The following USP37 variants were observed in gnomAD, a reference collection of about 807,000 sequenced individuals.
USP37 encodes the protein ubiquitin specific peptidase 37, also known as ubiquitin carboxyl-terminal hydrolase 37.
Under a neutral mutation model 124.0 loss-of-function variants are expected in USP37, and 27 were observed. The observed-to-expected ratio is 0.22, with a 90% confidence interval of 0.16 to 0.30. The LOEUF (loss-of-function observed/expected upper bound fraction) is 0.30. Ranked by LOEUF, USP37 falls within the 10% of genes least tolerant of loss-of-function variation. The pLI is 1.00. For missense variants in USP37, 889 were observed against 1,140.4 expected (o/e 0.78, Z 3.17); for synonymous variants, 365 against 388.0 (o/e 0.94, Z 0.70).
chr2:218,468,733 G>A (rs1283209140), intron 20 of USP37, among the ~76,000 whole-genome samples: 1 of 151,846 alleles, frequency 6.6e-6, no homozygotes, highest in African/African-American at 2.4e-5. Flanking sequence ...TCACTCTGTT[G>A]GCCAGGCTGG....
intron 11 of USP37, among the ~76,000 whole-genome samples, chr2:218,505,769 T>C (rs1689646729): frequency 6.6e-6 from 1 of 152,208 alleles, no homozygotes; most frequent in African/African-American, 2.4e-5. Flanking sequence ...TTGATTATTC[T>C]AGGTCAATTT....
chr2:218,455,983 T>C (rs917182135), intron 24 of USP37, among the ~76,000 whole-genome samples: 15 of 151,402 alleles, frequency 9.9e-5, no homozygotes, highest in African/African-American at 3.6e-4. Context: ...GAGGTGGAGG[T>C]TGCAGTGAAC....
rs1310546086 is a variant in USP37, at chr2:218,558,556, T to C, written c.98A>G (p.Glu33Gly). Residue 33 changes from glutamate (E) to glycine (G), a missense_variant, in exon 4 of 26, where the codon GAG becomes GGG. Coordinates refer to ENST00000258399, the MANE Select transcript of USP37 (RefSeq NM_020935.3). ...KEGSFEIVEK[E>G]NKVSLVVHYN... The stretch of plus-strand genomic sequence containing the variant: ...GTGAACTACTAGGCTGACTTTATTC[T>C]CTTTTTCTACAATTTCAAAGGATCC... The C allele has an allele frequency of 8.1e-6, 13 of 1,613,586 alleles. No individual in the cohort carries two copies. Among genetic ancestry groups the C allele is most frequent in the Non-Finnish European group, 1.1e-5 (13 of 1,179,868 alleles).
At chr2:218,474,581 G>C in intron 20 of USP37, 49 bp downstream of exon 20, 1 of 1,594,814 alleles carries the variant, frequency 6.3e-7, no homozygotes, top group East Asian at 2.2e-5. Context: ...ACAAAACTTT[G>C]AAAGAGTTAT....
At position 218,455,003 on chromosome 2, in the gene USP37, T is replaced by A; in HGVS notation, c.2867A>T (p.Glu956Val). 6.2e-7 allele frequency: 1 copy of A among 1,613,970 alleles called. No individual in the cohort carries two copies. Among genetic ancestry groups the A allele is most frequent in the Non-Finnish European group, 8.5e-7 (1 of 1,180,008 alleles). Residue 956 changes from glutamate (E) to valine (V), a missense_variant, in exon 26 of 26, where the codon GAG becomes GTG. Physicochemically the swap from Glu to Val is moderately radical, Grantham distance 121 (BLOSUM62 -2). Transcript: ENST00000258399. ...FFYMHKEIFD[E>V]LLETEKNSQS... is the part of the protein sequence containing the mutation. ...AGAGTTCTTTTCTGTTTCCAGCAGCTCATCAAAGATCTCCCTTAAGATAAA... is the reference window on the plus strand; with the variant it reads ...AGAGTTCTTTTCTGTTTCCAGCAGCACATCAAAGATCTCCCTTAAGATAAA...
chr2:218,544,227 A>T (rs1232311474), intron 8 of USP37, among the ~76,000 whole-genome samples: 5 of 150,880 alleles, frequency 3.3e-5, no homozygotes, highest in African/African-American at 4.9e-5. Flanking sequence ...TAAAAATACA[A>T]AAATTAGCTG....
At chr2:218,463,560 G>T (rs1408620487) in intron 21 of USP37, among the ~76,000 whole-genome samples, 194 bp from the exon 22 acceptor site, 1 of 144,096 alleles carries the variant, frequency 6.9e-6, no homozygotes, top group Non-Finnish European at 1.5e-5. Flanking sequence ...TTTTGAGACG[G>T]AGTCTCGCTC....
chr2:218,495,649 C>A (rs549836445), intron 14 of USP37, 111 bp downstream of exon 14: 14 of 1,223,906 alleles, frequency 1.1e-5, no homozygotes, highest in Middle Eastern at 2.9e-4. Context: ...CTGTGTGAGA[C>A]CCTGTCTTAA....
intron 21 of USP37, among the ~76,000 whole-genome samples, chr2:218,463,947 C>T (rs921035464): frequency 1.3e-5 from 2 of 150,988 alleles, no homozygotes. Context: ...CCTCTACCTC[C>T]CAGGTTCAAG....
intron 4 of USP37, among the ~76,000 whole-genome samples, chr2:218,553,942 AATT>A (rs1391445610): frequency 6.6e-6 from 1 of 152,222 alleles, no homozygotes; most frequent in African/African-American, 2.4e-5. Context: ...ATAAGCCTTT[AATT>A]ATACAGAGAT....
At chr2:218,523,194 C>T (rs1025741998) in intron 10 of USP37, among the ~76,000 whole-genome samples, 5 of 151,580 alleles carry the variant, frequency 3.3e-5, no homozygotes, top group South Asian at 2.1e-4. Context: ...ACCCGGGAAG[C>T]GGAGGTTGCA....
chr2:218,565,016 G>C (rs893854169), intron 1 of USP37, among the ~76,000 whole-genome samples: 1 of 152,058 alleles, frequency 6.6e-6, no homozygotes, highest in Non-Finnish European at 1.5e-5. Context: ...CCACCTCCTA[G>C]GCTGAAGCAA....
At chr2:218,526,926 C>T (rs1293594927) in intron 10 of USP37, among the ~76,000 whole-genome samples, 1 of 151,202 alleles carries the variant, frequency 6.6e-6, no homozygotes, top group Non-Finnish European at 1.5e-5. Flanking sequence ...GTAGCTGGGA[C>T]TACAGGCGCC....
At chr2:218,466,880 C>T (rs1433439784) in intron 20 of USP37, among the ~76,000 whole-genome samples, 2 of 151,898 alleles carry the variant, frequency 1.3e-5, no homozygotes, top group African/African-American at 4.8e-5. Context: ...ATTACAGGTG[C>T]ACGCCATCAC....
Position 218,467,838 on chromosome 2 carries a change from A to AT in USP37, c.2300-1663dup, listed in dbSNP as rs572130449. Among the ~76,000 whole-genome samples, 27 of 148,508 alleles carry AT rather than the reference A, an allele frequency of 1.8e-4. No homozygotes were observed. The South Asian group carries it at 4.2e-3, about 23-fold the overall frequency. On this transcript the variant is annotated intron_variant, in intron 20 of 25. Transcript: ENST00000258399. ...AGCTAAAATAAACAGAATAGTTATGATTTTTTTCTGGTTATCTGAATTGTT... is the reference window on the plus strand; with the variant it reads ...AGCTAAAATAAACAGAATAGTTATGATTTTTTTTCTGGTTATCTGAATTGTT...
At chr2:218,483,852 C>A (rs1175513677) in intron 16 of USP37, among the ~76,000 whole-genome samples, 3 of 152,178 alleles carry the variant, frequency 2.0e-5, no homozygotes, top group East Asian at 3.8e-4. Context: ...AGAACAAATT[C>A]TCTTAATCCA....
Position 218,522,284 on chromosome 2 carries a change from T to C in USP37, c.863+7672A>G, listed in dbSNP as rs530063567. 2.6e-5 allele frequency among the ~76,000 whole-genome samples: 4 copies of C among 152,190 alleles called. No individual in the cohort carries two copies. The East Asian group carries it at 7.7e-4, about 29-fold the overall frequency. ...ACTTATAAGAAATAGAATTTAAGGC[T>C]GAGCACACTGGCTCATGCCTGTAAG... On this transcript the variant is annotated intron_variant, in intron 10 of 25. Coordinates refer to ENST00000258399, the MANE Select transcript of USP37 (RefSeq NM_020935.3).
intron 8 of USP37, among the ~76,000 whole-genome samples, chr2:218,536,794 C>CT (rs1364589660): frequency 6.6e-6 from 1 of 152,184 alleles, no homozygotes; most frequent in Non-Finnish European, 1.5e-5. Flanking sequence ...GAAGCACACT[C>CT]TAAGGATAGG....
chr2:218,457,773 C>T (rs1163823389), intron 23 of USP37, among the ~76,000 whole-genome samples: 2 of 151,976 alleles, frequency 1.3e-5, no homozygotes, highest in South Asian at 2.1e-4. Context: ...GAAGGCCAGG[C>T]GTGGTGGCTC....
Sources: allele counts gnomAD v4.1 joint callset (sites outside exome capture counted in the v4.1 genomes callset), GRCh38; gene constraint gnomAD v4.1.1; transcripts MANE v1.5; gene names NCBI Gene and HGNC (gene_info 2026-07-23, HGNC 2026-07-21).